PRKG1: variants seen among roughly 807,000 people sequenced by gnomAD.
PRKG1 encodes cGMP-dependent protein kinase 1.
A neutral mutation model predicts 88.1 loss-of-function variants in PRKG1; 35 were observed. The ratio of observed to expected loss-of-function variants is 0.40; its 90% confidence interval spans 0.30 to 0.53. The LOEUF is 0.53. Among genes scored for constraint, PRKG1 ranks in the 20% least tolerant of loss-of-function variants. The pLI is 0.59. For synonymous variants in PRKG1, 303 were observed against 292.5 expected, an observed-to-expected ratio of 1.04 and a Z score of -0.37; for missense variants, 540 against 839.8, an observed-to-expected ratio of 0.64 and a Z score of 4.41.
At chr10:51,950,963 G>A (rs954480972) in intron 5 of PRKG1, among the ~76,000 whole-genome samples, 2 of 152,272 alleles carry the variant, frequency 1.3e-5, no homozygotes, top group Non-Finnish European at 2.9e-5. Flanking sequence ...AAGTCCCCCA[G>A]TGTAGCTGAG....
chr10:52,039,757 T>G (rs1185008926), intron 5 of PRKG1, among the ~76,000 whole-genome samples: 1 of 152,188 alleles, frequency 6.6e-6, no homozygotes, highest in Non-Finnish European at 1.5e-5. Flanking sequence ...TTCTGTATAC[T>G]ATATTTGGTA....
At chr10:51,028,912 C>A (rs1180671506) in intron 1 of PRKG1, among the ~76,000 whole-genome samples, 1 of 152,136 alleles carries the variant, frequency 6.6e-6, no homozygotes, top group African/African-American at 2.4e-5. Flanking sequence ...TGATCCAAAG[C>A]CCAATCTGTG....
intron 2 of PRKG1, among the ~76,000 whole-genome samples, chr10:51,413,343 T>TG (rs1838151765): frequency 7.4e-6 from 1 of 135,006 alleles, no homozygotes; most frequent in Admixed American, 7.9e-5. Flanking sequence ...TTAAAAAAAA[T>TG]GTTTTTTTTT....
chr10:51,756,903 T>C (rs12268492), intron 3 of PRKG1, among the ~76,000 whole-genome samples: 61,558 of 151,768 alleles, frequency 0.41, 13,082 homozygotes, highest in Middle Eastern at 0.54. Flanking sequence ...ACAGGGCTTA[T>C]GGAATAATCA....
At chr10:51,121,091 A>G (rs1213096645) in intron 1 of PRKG1, among the ~76,000 whole-genome samples, 1 of 152,156 alleles carries the variant, frequency 6.6e-6, no homozygotes, top group Non-Finnish European at 1.5e-5. Context: ...AGTCTTTCTC[A>G]TATTGCATTA....
At chr10:52,281,021 T>G (rs1464659068) in intron 13 of PRKG1, 91 bp downstream of exon 13, 2 of 1,427,154 alleles carry the variant, frequency 1.4e-6, no homozygotes, top group Non-Finnish European at 1.9e-6. Context: ...AATCTGAGTT[T>G]TCCTTTTCAA....
intron 1 of PRKG1, among the ~76,000 whole-genome samples, chr10:51,032,332 T>C (rs1445534711): frequency 1.3e-5 from 2 of 152,058 alleles, no homozygotes; most frequent in Admixed American, 6.6e-5. Flanking sequence ...GCAACTCTCA[T>C]CTGCTATTAT....
chr10:51,940,054 GT>G (rs1474610232), intron 5 of PRKG1, among the ~76,000 whole-genome samples: 1 of 151,736 alleles, frequency 6.6e-6, no homozygotes, highest in Non-Finnish European at 1.5e-5. Flanking sequence ...GCTGCCCCTA[GT>G]CCCCACCAGA....
chr10:51,085,039 A>G (rs1844212499), intron 1 of PRKG1, among the ~76,000 whole-genome samples: 2 of 152,196 alleles, frequency 1.3e-5, no homozygotes, highest in Non-Finnish European at 2.9e-5. Flanking sequence ...CTAAGTTTGG[A>G]CTGAAAAGAA....
intron 3 of PRKG1, among the ~76,000 whole-genome samples, chr10:51,752,198 A>G (rs1837744298): frequency 6.6e-6 from 1 of 152,150 alleles, no homozygotes; most frequent in Non-Finnish European, 1.5e-5. Context: ...TCCATAATAT[A>G]ACCTCATTAT....
intron 7 of PRKG1, among the ~76,000 whole-genome samples, chr10:52,085,952 T>A (rs143377028): frequency 7.4e-4 from 113 of 152,294 alleles, no homozygotes; most frequent in African/African-American, 2.6e-3. Context: ...TTGCAGTTTT[T>A]TCCCTTTACA....
intron 9 of PRKG1, among the ~76,000 whole-genome samples, chr10:52,171,550 C>G (rs576086074): frequency 6.6e-6 from 1 of 152,160 alleles, no homozygotes; most frequent in Admixed American, 6.5e-5. Context: ...CTTTCAAGAG[C>G]TGTTTTTGTT....
chr10:51,069,565 T>A (rs1456716313), upstream of PRKG1, among the ~76,000 whole-genome samples: 1 of 152,028 alleles, frequency 6.6e-6, no homozygotes, highest in Non-Finnish European at 1.5e-5. Flanking sequence ...CCCTTTATAG[T>A]CCAAAGACAG....
chr10:52,019,904 T>A (rs1845138872), intron 5 of PRKG1, among the ~76,000 whole-genome samples: 1 of 152,188 alleles, frequency 6.6e-6, no homozygotes, highest in Non-Finnish European at 1.5e-5. Context: ...TTTAAATTCT[T>A]GTTACTTGTA....
At chr10:52,108,116 A>G (rs1472616441) in intron 7 of PRKG1, among the ~76,000 whole-genome samples, 2 of 152,240 alleles carry the variant, frequency 1.3e-5, no homozygotes, top group East Asian at 1.9e-4. Flanking sequence ...AGAGAGGTTA[A>G]ATGACAGCCT....
intron 7 of PRKG1, among the ~76,000 whole-genome samples, chr10:52,127,319 G>A (rs1411823037): frequency 6.6e-6 from 1 of 152,156 alleles, no homozygotes; most frequent in Non-Finnish European, 1.5e-5. Flanking sequence ...GGTTTGAATC[G>A]CAGGTTGCAA....
At chr10:51,600,218 A>T (rs1838562241) in intron 3 of PRKG1, among the ~76,000 whole-genome samples, 1 of 152,102 alleles carries the variant, frequency 6.6e-6, no homozygotes, top group South Asian at 2.1e-4. Flanking sequence ...CCTCTGCCTT[A>T]GATGGTCATT....
Position 52,294,195 on chromosome 10 carries a change from T to C in PRKG1, c.*295T>C. 3.7e-6 allele frequency: 1 copy of C among 270,418 alleles called. No individual in the cohort carries two copies. The highest frequency in any genetic ancestry group is 7.6e-5 in the East Asian group (1 of 13,208). The allele number at this position is 270,418 out of a possible 1,614,324, so 16.8% of individuals were successfully genotyped here. On this transcript the variant is annotated 3_prime_UTR_variant, in exon 18 of 18. Coordinates refer to ENST00000373980, the MANE Select transcript of PRKG1 (RefSeq NM_006258.4). The stretch of plus-strand genomic sequence containing the variant: ...TGCAATGACCTTGCTTTGCTCTGAT[T>C]ATAATTTGAAAGACTGTAGGAAACA...
intron 3 of PRKG1, among the ~76,000 whole-genome samples, chr10:51,788,295 A>G (rs996930297): frequency 1.3e-5 from 2 of 152,164 alleles, no homozygotes; most frequent in Admixed American, 1.3e-4. Flanking sequence ...TTTTCTAATC[A>G]TTGTTGAATG....
Sources: allele counts gnomAD v4.1 joint callset (sites outside exome capture counted in the v4.1 genomes callset), GRCh38; gene constraint gnomAD v4.1.1; transcripts MANE v1.5; gene names NCBI Gene and HGNC (gene_info 2026-07-23, HGNC 2026-07-21).